Variants in AAMDC observed in about 807,000 individuals in gnomAD.
The protein encoded by AAMDC is mth938 domain-containing protein.
In AAMDC, 16 loss-of-function variants were observed where a neutral mutation model predicts 15.5. The observed-to-expected ratio is 1.03, with a 90% CI of 0.70 to 1.57. AAMDC has a LOEUF of 1.57. Ranked by LOEUF, AAMDC falls within the 40% of genes most tolerant of loss-of-function variation. The pLI is 0.00. For missense variants in AAMDC, 141 were observed against 144.9 expected (o/e 0.97, Z 0.14); for synonymous variants, 51 against 51.6 (o/e 0.99, Z 0.05).
intron 2 of AAMDC, among the ~76,000 whole-genome samples, chr11:77,844,834 A>C (rs1371630404): frequency 2.6e-5 from 4 of 152,202 alleles, no homozygotes; most frequent in Non-Finnish European, 5.9e-5. Context: ...CTCATGATGT[A>C]ATGATGGAAG....
chr11:77,852,890 T>C (rs2136202099), intron 2 of AAMDC, among the ~76,000 whole-genome samples: 2 of 152,348 alleles, frequency 1.3e-5, no homozygotes, highest in Middle Eastern at 6.8e-3. Flanking sequence ...TTTTTACCAC[T>C]GTATAGTAAC....
Position 77,897,674 on chromosome 11 carries a change from T to TA in AAMDC, c.329-2897_329-2896insA, listed in dbSNP as rs143907801. Reference sequence around the variant, plus strand: ...TGCCACCACGCCCGGCTAATTTTTTTTTTTTTATTTTTAGTAGAGACGGGG... The same window carrying TA: ...TGCCACCACGCCCGGCTAATTTTTTTATTTTTTATTTTTAGTAGAGACGGGG... On this transcript the variant is annotated intron_variant, in intron 5 of 5. Transcript: ENST00000304716. Among the ~76,000 whole-genome samples the TA allele has an allele frequency of 1.3e-4, 19 of 151,192 alleles. No individual in the cohort carries two copies. The East Asian group carries it at 3.5e-3, about 28-fold the overall frequency.
intron 1 of AAMDC, among the ~76,000 whole-genome samples, chr11:77,822,287 G>C (rs971433946): frequency 6.6e-6 from 1 of 151,620 alleles, no homozygotes; most frequent in Admixed American, 6.6e-5. Flanking sequence ...TAAAAATAAC[G>C]AAAATTAGCC....
intron 1 of AAMDC, 68 bp from the exon 2 acceptor site, chr11:77,842,411 C>T (rs1949968875): frequency 2.1e-6 from 3 of 1,414,050 alleles, no homozygotes; most frequent in South Asian, 2.6e-5. Flanking sequence ...GGCTTAGTAT[C>T]ACTGTATTTT....
At chr11:77,836,468 AT>A (rs936745436) in intron 1 of AAMDC, among the ~76,000 whole-genome samples, 2 of 152,236 alleles carry the variant, frequency 1.3e-5, no homozygotes, top group Non-Finnish European at 2.9e-5. Flanking sequence ...AGGCCTCGCC[AT>A]AAACCAACCA....
At chr11:77,879,619 G>A (rs1051042825) in intron 5 of AAMDC, among the ~76,000 whole-genome samples, 11 of 152,158 alleles carry the variant, frequency 7.2e-5, no homozygotes, top group African/African-American at 2.7e-4. Flanking sequence ...CAATGAACAG[G>A]AACATGTCTC....
chr11:77,879,612 T>C (rs1026140098), intron 5 of AAMDC, among the ~76,000 whole-genome samples: 4 of 152,206 alleles, frequency 2.6e-5, no homozygotes, highest in Non-Finnish European at 5.9e-5. Flanking sequence ...TTCTGGCCAA[T>C]GAACAGGAAC....
intron 1 of AAMDC, among the ~76,000 whole-genome samples, chr11:77,834,176 A>G (rs560318734): frequency 2.0e-5 from 3 of 152,338 alleles, no homozygotes; most frequent in Admixed American, 6.5e-5. Flanking sequence ...TACTAATTCA[A>G]TGAATAAAAT....
chr11:77,875,312 G>T (rs598933), downstream of AAMDC, among the ~76,000 whole-genome samples: 1 of 151,984 alleles, frequency 6.6e-6, no homozygotes, highest in East Asian at 1.9e-4. Flanking sequence ...AAGAAATAAG[G>T]CGTGTAAACA....
Position 77,825,690 on chromosome 11 carries a change from T to A in AAMDC, c.-19+4449T>A, listed in dbSNP as rs145591764. ...ACCTTTAGAAGTGTCTTACTACCCA[T>A]TTTTTTTGTTTTTTTTTTTTTGAGT... On this transcript the variant is annotated intron_variant, in intron 1 of 3. Coordinates refer to ENST00000393427, the MANE Select transcript of AAMDC (RefSeq NM_024684.4). 1.4e-3 allele frequency among the ~76,000 whole-genome samples: 206 copies of A among 151,584 alleles called. 1 individual carries two copies. Among genetic ancestry groups the A allele is most frequent in the African/African-American group, 3.3e-3 (138 of 41,362 alleles).
downstream of AAMDC, among the ~76,000 whole-genome samples, chr11:77,874,372 CTT>C (rs560821678): frequency 3.9e-4 from 53 of 134,378 alleles, no homozygotes; most frequent in Non-Finnish European, 2.9e-4. Context: ...GTGATGCAGT[CTT>C]TTTTTTTTTT....
At chr11:77,846,411 G>A (rs1950149061) in intron 2 of AAMDC, among the ~76,000 whole-genome samples, 1 of 152,200 alleles carries the variant, frequency 6.6e-6, no homozygotes, top group African/African-American at 2.4e-5. Flanking sequence ...TTTAGGCCAG[G>A]AGATTGATAC....
chr11:77,859,741 A>G (rs1323918414), intron 2 of AAMDC, among the ~76,000 whole-genome samples: 1 of 152,230 alleles, frequency 6.6e-6, no homozygotes, highest in Non-Finnish European at 1.5e-5. Context: ...CTCAAGTGGC[A>G]TAGGTTTGAG....
intron 1 of AAMDC, among the ~76,000 whole-genome samples, chr11:77,840,386 G>A (rs1271449133): frequency 3.9e-5 from 6 of 151,938 alleles, no homozygotes; most frequent in East Asian, 1.9e-4. Context: ...AAAATTAGCC[G>A]GGCATGGTAG....
At chr11:77,884,086 G>T (rs1157308842) in intron 5 of AAMDC, 1 of 823,184 alleles carries the variant, frequency 1.2e-6, no homozygotes, top group Middle Eastern at 2.4e-4. Flanking sequence ...AGCCTTGGGG[G>T]TAGGTCAACA....
intron 2 of AAMDC, among the ~76,000 whole-genome samples, chr11:77,867,583 G>A (rs780598900): frequency 2.6e-5 from 4 of 152,210 alleles, no homozygotes; most frequent in African/African-American, 4.8e-5. Flanking sequence ...ATGAATGAAA[G>A]GATAGAGGTA....
chr11:77,860,105 G>C (rs1950811968), intron 2 of AAMDC, among the ~76,000 whole-genome samples: 1 of 152,196 alleles, frequency 6.6e-6, no homozygotes. Context: ...CATGTGTAAG[G>C]ACTCCTAGAG....
At chr11:77,842,374 G>A (rs760713582) in intron 1 of AAMDC, 105 bp from the exon 2 acceptor site, 2 of 1,090,364 alleles carry the variant, frequency 1.8e-6, no homozygotes, top group Non-Finnish European at 2.6e-6. Flanking sequence ...TAAATGAAAA[G>A]ATGCTTCTTA....
At chr11:77,861,514 G>T (rs577884535) in intron 2 of AAMDC, among the ~76,000 whole-genome samples, 2 of 152,334 alleles carry the variant, frequency 1.3e-5, no homozygotes, top group East Asian at 3.9e-4. Context: ...GCTGGCACTT[G>T]CCCTGGGCAC....
Sources: allele counts gnomAD v4.1 joint callset (sites outside exome capture counted in the v4.1 genomes callset), GRCh38; gene constraint gnomAD v4.1.1; transcripts MANE v1.5; gene names NCBI Gene and HGNC (gene_info 2026-07-23, HGNC 2026-07-21).